Variants in MCF2L2 observed in about 807,000 individuals in gnomAD.
The protein encoded by MCF2L2 is probable guanine nucleotide exchange factor MCF2L2.
MCF2L2 carries 102 observed loss-of-function variants against 150.2 expected under a neutral mutation model. The ratio of observed to expected loss-of-function variants is 0.68; its 90% CI spans 0.58 to 0.80. The LOEUF is 0.80. Ranked by LOEUF, MCF2L2 falls within the 30% of genes least tolerant of loss-of-function variation. The pLI is 0.00. For synonymous variants in MCF2L2, 465 were observed against 491.3 expected, an observed-to-expected ratio of 0.95 and a Z score of 0.71; for missense variants, 1,256 against 1,372.8, an observed-to-expected ratio of 0.91 and a Z score of 1.34.
In MCF2L2 at chr3:183,295,389, T is replaced by C. The variant is rs1301543281; in HGVS notation, c.1586A>G (p.Lys529Arg). Residue 529 changes from lysine to arginine, a missense_variant, in exon 13 of 30, where the codon AAA becomes AGA. Lys to Arg is a conservative substitution (Grantham distance 26, BLOSUM62 2). Transcript: ENST00000328913. Reference sequence around the variant, plus strand: ...CACAGGTTGCACTGGACGAGTCTGTTTGGCTGCCAGTTTCATCAGACTCAC... The same window carrying C: ...CACAGGTTGCACTGGACGAGTCTGTCTGGCTGCCAGTTTCATCAGACTCAC... ...RQVSLMKLAA[K>R]QTRPVQPVAP... is the part of the protein sequence containing the mutation. 6 of 1,614,048 alleles carry C rather than the reference T, an allele frequency of 3.7e-6. No individual in the cohort carries two copies. In the African/African-American group the frequency reaches 5.3e-5, roughly 14 times the overall value.
chr3:183,207,543 T>C lies in MCF2L2; in HGVS notation c.2712+65A>G, dbSNP rs936991897. 1.6e-5 allele frequency: 20 copies of C among 1,281,202 alleles called. No individual in the cohort carries two copies. In the Admixed American group the frequency reaches 1.7e-4, roughly 11 times the overall value. The allele number at this position is 1,281,202 out of a possible 1,614,324, so 79.4% of individuals were successfully genotyped here. A position where few individuals can be genotyped will look rare whatever the true frequency, so the allele number is the denominator to read the frequency against. ...CACTGCAGCTTCCTCATCTGTAAAA[T>C]AAGGAAAACGATCTCTCTCTTTTCT... is the stretch of plus-strand genomic sequence containing the variant. On this transcript the variant is annotated intron_variant, in intron 23 of 29. Transcript: ENST00000328913.
Position 183,267,280 on chromosome 3 carries a change from G to A in MCF2L2, c.1862+9592C>T, listed in dbSNP as rs1399346162. Among the ~76,000 whole-genome samples, 5 of 152,178 alleles carry A rather than the reference G, an allele frequency of 3.3e-5. No individual in the cohort carries two copies. Among genetic ancestry groups the A allele is most frequent in the South Asian group, 2.1e-4 (1 of 4,834 alleles). On this transcript the variant is annotated intron_variant, in intron 15 of 29. Coordinates refer to ENST00000328913, the MANE Select transcript of MCF2L2 (RefSeq NM_015078.4). This position sits in a 1 kb window ranked among gnomAD's most constrained non-coding sequence, Gnocchi z 5.5. ...CAGTTTTCAAATCAATGCCCTTGGCGATAAAGTGTGCCCTATACTGATTAT... is the reference window on the plus strand; with the variant it reads ...CAGTTTTCAAATCAATGCCCTTGGCAATAAAGTGTGCCCTATACTGATTAT...
At chr3:183,404,514 A>G (rs1288141488) in intron 1 of MCF2L2, among the ~76,000 whole-genome samples, 1 of 152,240 alleles carries the variant, frequency 6.6e-6, no homozygotes, top group African/African-American at 2.4e-5. Context: ...AAACGTATTT[A>G]AAAACTTCAC....
intron 2 of MCF2L2, among the ~76,000 whole-genome samples, chr3:183,387,749 A>G (rs955721035): frequency 2.7e-4 from 41 of 152,188 alleles, no homozygotes; most frequent in Middle Eastern, 6.8e-3. Context: ...CCTGGCCAAC[A>G]TGGTGAAAGC....
intron 1 of MCF2L2, among the ~76,000 whole-genome samples, chr3:183,417,115 C>CAAAAAAAAAA (rs74989072): frequency 2.3e-5 from 1 of 44,214 alleles, no homozygotes; most frequent in Non-Finnish European, 4.4e-5. Context: ...GACTCTGTCT[C>CAAAAAAAAAA]AAAAAAAAAA....
intron 14 of MCF2L2, among the ~76,000 whole-genome samples, chr3:183,279,441 C>G (rs1049825236): frequency 6.6e-6 from 1 of 152,162 alleles, no homozygotes; most frequent in Non-Finnish European, 1.5e-5. Context: ...GTGAGGGATT[C>G]CTTATGAGCT....
chr3:183,222,967 T>A (rs1302349510), intron 20 of MCF2L2, among the ~76,000 whole-genome samples: 1 of 152,204 alleles, frequency 6.6e-6, no homozygotes, highest in Non-Finnish European at 1.5e-5. Context: ...AGGTCAGTGC[T>A]GCAAAAGGAT....
Position 183,179,811 on chromosome 3 carries a change from A to G in MCF2L2, c.3106-119T>C. The G allele has an allele frequency of 2.3e-6, 2 of 886,910 alleles. No homozygotes were observed. The highest frequency in any genetic ancestry group is 3.6e-6 in the Non-Finnish European group (2 of 560,950). 54.9% of individuals were successfully genotyped at this position (886,910 alleles called of 1,614,324 possible). A position where few individuals can be genotyped will look rare whatever the true frequency, so the allele number is the denominator to read the frequency against. The stretch of plus-strand genomic sequence containing the variant: ...CCACCCCAGCCCTCCCACCTGGGCC[A>G]CGGGGCTCTCAGCGGGAGCCCCAGT... On this transcript the variant is annotated intron_variant, in intron 28 of 29. Transcript: ENST00000328913. The surrounding 1 kb of genome is among the most constrained non-coding windows in gnomAD (Gnocchi z 4.2).
chr3:183,324,367 C>A (rs1434774662), intron 5 of MCF2L2, among the ~76,000 whole-genome samples: 1 of 152,204 alleles, frequency 6.6e-6, no homozygotes, highest in Non-Finnish European at 1.5e-5. Context: ...ATATCACACC[C>A]TCTACTCACT....
At chr3:183,208,701 AG>A (rs1722583288) in intron 22 of MCF2L2, among the ~76,000 whole-genome samples, 1 of 152,230 alleles carries the variant, frequency 6.6e-6, no homozygotes, top group African/African-American at 2.4e-5. Flanking sequence ...AATTATTTGA[AG>A]GGGACCAAGA....
At chr3:183,284,594 C>A (rs950896117) in intron 14 of MCF2L2, among the ~76,000 whole-genome samples, 1 of 151,868 alleles carries the variant, frequency 6.6e-6, no homozygotes, top group African/African-American at 2.4e-5. Flanking sequence ...CCCAGCTACT[C>A]TAGAGGCTAA....
At chr3:183,382,526 C>T (rs935943878) in intron 2 of MCF2L2, among the ~76,000 whole-genome samples, 5 of 152,174 alleles carry the variant, frequency 3.3e-5, no homozygotes, top group African/African-American at 1.2e-4. Context: ...GAGGCAGAAG[C>T]ATCAAGGAAA....
In MCF2L2 at chr3:183,223,355, C is replaced by T. The variant is rs1475255912; in HGVS notation, c.2292G>A (p.Met764Ile). The change falls in exon 20 of 30, where the codon ATG becomes ATA. Residue 764 changes from methionine (M) to isoleucine (I), a missense_variant. Transcript: ENST00000328913. ...GTCTCATTGATTTTACCTTCAACAG[C>T]ATCTGGTATTTTATAAGTCTCTGGC... Reference protein sequence around the residue: ...GPSQRLIKYQMLLKGLLDFES... With the variant: ...GPSQRLIKYQILLKGLLDFES... 2 of 1,613,204 alleles carry T rather than the reference C, an allele frequency of 1.2e-6. No homozygotes were observed. Among genetic ancestry groups the T allele is most frequent in the Non-Finnish European group, 1.7e-6 (2 of 1,179,098 alleles).
At chr3:183,332,216 T>C (rs16857325) in intron 5 of MCF2L2, among the ~76,000 whole-genome samples, 39,260 of 152,114 alleles carry the variant, frequency 0.26, 7,326 homozygotes, top group African/African-American at 0.53. Context: ...CTTCAGACTC[T>C]GCCGTTTCTG....
chr3:183,408,851 TAC>T (rs947652315), intron 1 of MCF2L2, among the ~76,000 whole-genome samples: 3 of 152,242 alleles, frequency 2.0e-5, no homozygotes, highest in African/African-American at 7.2e-5. Context: ...TCCACATGCA[TAC>T]AGTTTGTACT....
chr3:183,262,721 G>C (rs115605859), intron 15 of MCF2L2, among the ~76,000 whole-genome samples: 4 of 151,712 alleles, frequency 2.6e-5, no homozygotes, highest in African/African-American at 7.3e-5. Context: ...TTCAGGGTGG[G>C]GGGGACAGAG....
intron 1 of MCF2L2, among the ~76,000 whole-genome samples, chr3:183,395,616 A>G (rs1346432424): frequency 6.6e-6 from 1 of 152,198 alleles, no homozygotes; most frequent in East Asian, 1.9e-4. Flanking sequence ...ACCATCAAAC[A>G]GATCAAGAAA....
At chr3:183,379,085 G>C (rs1249137017) in intron 3 of MCF2L2, 2 of 513,248 alleles carry the variant, frequency 3.9e-6, no homozygotes, top group African/African-American at 4.0e-5. Context: ...GTGTGCACAA[G>C]AGAGTCAAAA....
chr3:183,184,016 T>A (rs966510374), intron 27 of MCF2L2, among the ~76,000 whole-genome samples: 1 of 152,216 alleles, frequency 6.6e-6, no homozygotes, highest in African/African-American at 2.4e-5. Context: ...TGTTTTGTTT[T>A]GTTTTTTTGT....
Sources: gnomAD v4.1 joint callset for allele counts (sites outside exome capture counted in the v4.1 genomes callset) on GRCh38, gnomAD v4.1.1 for gene constraint, Gnocchi (gnomAD v3.1) non-coding constraint, MANE v1.5 for transcripts, NCBI Gene and HGNC (gene_info 2026-07-23, HGNC 2026-07-21) for gene names.